The following DFFB variants were observed in gnomAD, a reference collection of about 807,000 sequenced individuals.
DFFB encodes the protein DNA fragmentation factor 40 kDa subunit.
DFFB carries 29 observed loss-of-function variants against 32.7 expected under a neutral mutation model. That is an observed-to-expected ratio of 0.89 (90% CI 0.66 to 1.21). The LOEUF (loss-of-function observed/expected upper bound fraction) is 1.21. DFFB is among the 50% of genes most tolerant of loss of function. DFFB has a pLI of 0.00. For missense variants in DFFB, 398 were observed against 440.6 expected (o/e 0.90, Z 0.87); for synonymous variants, 170 against 177.1 (o/e 0.96, Z 0.32).
chr1:3,873,557 G>T (rs567242997), intron 6 of DFFB, among the ~76,000 whole-genome samples: 2 of 149,994 alleles, frequency 1.3e-5, no homozygotes, highest in African/African-American at 2.5e-5. Flanking sequence ...TCGGCTCACC[G>T]CAACCTCCGC....
chr1:3,878,382 C>A (rs1645268572), intron 6 of DFFB, among the ~76,000 whole-genome samples: 1 of 152,160 alleles, frequency 6.6e-6, no homozygotes, highest in African/African-American at 2.4e-5. Flanking sequence ...AAGCTCCTGA[C>A]CTCAAGTGAT....
At chr1:3,882,061 G>C (rs567442171) in intron 6 of DFFB, among the ~76,000 whole-genome samples, 1 of 152,230 alleles carries the variant, frequency 6.6e-6, no homozygotes, top group African/African-American at 2.4e-5. Context: ...GTATGTGTGT[G>C]CGTGTGTGTT....
At chr1:3,864,816 T>G (rs932480680) in intron 2 of DFFB, among the ~76,000 whole-genome samples, 1 of 152,160 alleles carries the variant, frequency 6.6e-6, no homozygotes, top group Admixed American at 6.6e-5. Context: ...CTGAAAGTGC[T>G]GGGATTACAG....
At chr1:3,859,934 G>A (rs1333519024) in intron 2 of DFFB, among the ~76,000 whole-genome samples, 2 of 151,936 alleles carry the variant, frequency 1.3e-5, no homozygotes, top group Admixed American at 6.6e-5. Context: ...CCTGCATCTC[G>A]CAGTCTCTGT....
chr1:3,874,926 G>A (rs531223829), intron 6 of DFFB, among the ~76,000 whole-genome samples: 29 of 151,622 alleles, frequency 1.9e-4, no homozygotes, highest in Admixed American at 9.8e-4. Context: ...TTTACCACAC[G>A]TGTGTGGGTT....
intron 4 of DFFB, among the ~76,000 whole-genome samples, chr1:3,868,477 G>A (rs1467977265): frequency 1.3e-5 from 2 of 152,064 alleles, no homozygotes; most frequent in Non-Finnish European, 2.9e-5. Flanking sequence ...TCCTTGGTCT[G>A]CAAACCTCTC....
chr1:3,871,624 C>A (rs1022443416), intron 5 of DFFB, among the ~76,000 whole-genome samples: 5 of 152,192 alleles, frequency 3.3e-5, no homozygotes, highest in African/African-American at 1.2e-4. Context: ...AAGCAGTATA[C>A]CCTGGAGCAG....
chr1:3,872,647 A>C, intron 6 of DFFB, 75 bp downstream of exon 6: 1 of 433,520 alleles, frequency 2.3e-6, no homozygotes, highest in Non-Finnish European at 3.8e-6. Flanking sequence ...TGTCCCTGCC[A>C]TGGCCCTGTC....
At chr1:3,867,612 G>C (rs1013656010) in intron 3 of DFFB, 2 of 237,548 alleles carry the variant, frequency 8.4e-6, no homozygotes, top group Admixed American at 1.0e-4. Context: ...TAGCACTTTG[G>C]GAGGCCGAGG....
chr1:3,868,161 C>T lies in DFFB; in HGVS notation c.510+108C>T, dbSNP rs545771611. The T allele has an allele frequency of 5.2e-4, 507 of 974,396 alleles. 9 individuals are homozygous for T. In the South Asian group the frequency reaches 6.1e-3, roughly 12 times the overall value. 60.4% of individuals were successfully genotyped at this position (974,396 alleles called of 1,614,324 possible). On this transcript the variant is annotated intron_variant, in intron 4 of 6. Coordinates refer to ENST00000378209, the MANE Select transcript of DFFB (RefSeq NM_004402.4). ...ATGGGTAGTTGGTAGGACCACACTCCGTGCTTGCGTGGATCTGGTGGGGCT... is the reference window on the plus strand; with the variant it reads ...ATGGGTAGTTGGTAGGACCACACTCTGTGCTTGCGTGGATCTGGTGGGGCT...
chr1:3,882,740 C>T (rs898339610), intron 6 of DFFB, among the ~76,000 whole-genome samples: 1 of 152,146 alleles, frequency 6.6e-6, no homozygotes, highest in African/African-American at 2.4e-5. Context: ...CAATAGCAAA[C>T]CCTTAATAGT....
At chr1:3,883,220 G>T (rs1645376879) in intron 6 of DFFB, among the ~76,000 whole-genome samples, 1 of 152,136 alleles carries the variant, frequency 6.6e-6, no homozygotes, top group South Asian at 2.1e-4. Flanking sequence ...GGCCAAGCTG[G>T]TCTCGAACTC....
rs10909812 is a variant in DFFB, at chr1:3,869,960, C to T, written c.681+185C>T. Reference sequence around the variant, plus strand: ...AGCCAGTGCCTCTCAAGCTGCAGTGCACACAGGAATCCCTGGGGAGCTTGC... The same window carrying T: ...AGCCAGTGCCTCTCAAGCTGCAGTGTACACAGGAATCCCTGGGGAGCTTGC... On this transcript the variant is annotated intron_variant, in intron 5 of 6. Transcript: ENST00000378209. Among the ~76,000 whole-genome samples the T allele has an allele frequency of 7.4e-3, 1,133 of 152,350 alleles. 15 individuals carry two copies. Among genetic ancestry groups the T allele is most frequent in the African/African-American group, 0.026 (1,087 of 41,592 alleles).
intron 6 of DFFB, 75 bp downstream of exon 6, chr1:3,872,647 A>G (rs75402433): frequency 0.059 from 25,433 of 429,464 alleles, 434 homozygotes; most frequent in South Asian, 0.097. Context: ...TGTCCCTGCC[A>G]TGGCCCTGTC....
chr1:3,857,887 C>T (rs948216536), intron 1 of DFFB, among the ~76,000 whole-genome samples, 170 bp downstream of exon 1: 2 of 152,202 alleles, frequency 1.3e-5, no homozygotes, highest in African/African-American at 2.4e-5. Context: ...GGTTCCTGAG[C>T]GTGGCTTCAG....
rs61540926 is a variant in DFFB, at chr1:3,860,377, T to C, written c.241+1533T>C. The C allele has an allele frequency of 2.9e-3, 1,124 of 387,470 alleles. 10 individuals are homozygous for C. Among genetic ancestry groups the C allele is most frequent in the African/African-American group, 0.021 (1,011 of 48,664 alleles). 24.0% of individuals were successfully genotyped at this position (387,470 alleles called of 1,614,324 possible). ...AAGTATCTGGGACCACAGGCATGCATTACCACGTCTGGCTAATTGTTTTGT... is the reference window on the plus strand; with the variant it reads ...AAGTATCTGGGACCACAGGCATGCACTACCACGTCTGGCTAATTGTTTTGT... On this transcript the variant is annotated intron_variant, in intron 2 of 6. Transcript: ENST00000378209.
At chr1:3,883,004 CTT>C (rs200251035) in intron 6 of DFFB, among the ~76,000 whole-genome samples, 14,880 of 140,124 alleles carry the variant, frequency 0.11, 835 homozygotes, top group East Asian at 0.22. Context: ...TGACACGAGT[CTT>C]TTTTTTTTTT....
chr1:3,872,614 G>GGCCCTGTCCCTGCCGC, intron 6 of DFFB, 42 bp downstream of exon 6: 1 of 959,748 alleles, frequency 1.0e-6, no homozygotes, highest in Non-Finnish European at 1.5e-6. Flanking sequence ...AGTGCCTGCA[G>GGCCCTGTCCCTGCCGC]GGCCCTGTCC....
Position 3,885,166 on chromosome 1 carries a change from T to C in DFFB, c.*1425T>C, listed in dbSNP as rs1638341192. On this transcript the variant is annotated 3_prime_UTR_variant, in exon 7 of 7. Transcript: ENST00000378209. ...GATCATATGGAGCTCATGTCAGCCGTGTGGGTGGCGGGTGCACAGAGACGG... is the reference window on the plus strand; with the variant it reads ...GATCATATGGAGCTCATGTCAGCCGCGTGGGTGGCGGGTGCACAGAGACGG... 1 of 151,950 alleles carries C rather than the reference T, an allele frequency of 6.6e-6. No homozygotes were observed. Among genetic ancestry groups the C allele is most frequent in the Non-Finnish European group, 1.5e-5 (1 of 68,020 alleles). The allele number at this position is 151,950 out of a possible 1,614,324, so 9.4% of individuals were successfully genotyped here.
Sources: gnomAD v4.1 joint callset for allele counts (sites outside exome capture counted in the v4.1 genomes callset) on GRCh38, gnomAD v4.1.1 for gene constraint, MANE v1.5 for transcripts, NCBI Gene and HGNC (gene_info 2026-07-23, HGNC 2026-07-21) for gene names.